The following TMPRSS5 variants were observed in gnomAD, a reference collection of about 807,000 sequenced individuals.
The protein encoded by TMPRSS5 is transmembrane protease serine 5.
TMPRSS5 carries 45 observed loss-of-function variants against 59.7 expected under a neutral mutation model. The ratio of observed to expected loss-of-function variants is 0.75; its 90% CI spans 0.59 to 0.97. TMPRSS5 has a LOEUF of 0.97. TMPRSS5 is among the 50% of genes least tolerant of loss of function. The pLI is 0.00. For missense variants in TMPRSS5, 585 were observed against 596.7 expected (o/e 0.98, Z 0.20); for synonymous variants, 225 against 232.0 (o/e 0.97, Z 0.27).
intron 4 of TMPRSS5, among the ~76,000 whole-genome samples, chr11:113,698,227 T>C (rs1369964268): frequency 6.7e-6 from 1 of 149,934 alleles, no homozygotes; most frequent in Non-Finnish European, 1.5e-5. Context: ...AACCACCCGG[T>C]CTGTGGTACT....
chr11:113,694,189 G>A (rs1385161916), intron 8 of TMPRSS5, among the ~76,000 whole-genome samples: 5 of 147,754 alleles, frequency 3.4e-5, no homozygotes, highest in African/African-American at 1.2e-4. Flanking sequence ...AGGTTGCAGT[G>A]AGCCAAGATT....
intron 11 of TMPRSS5, 35 bp downstream of exon 11, chr11:113,690,196 A>AACCCC: frequency 3.9e-6 from 1 of 253,940 alleles, no homozygotes; most frequent in Non-Finnish European, 6.0e-6. Context: ...CCCCACCTCC[A>AACCCC]CTCCCACCCT....
intron 1 of TMPRSS5, among the ~76,000 whole-genome samples, chr11:113,703,657 C>A (rs1326291622): frequency 6.6e-6 from 1 of 152,170 alleles, no homozygotes; most frequent in African/African-American, 2.4e-5. Flanking sequence ...GGGGGAGGGA[C>A]CTCATAGTAG....
intron 1 of TMPRSS5, among the ~76,000 whole-genome samples, chr11:113,701,888 A>G (rs1953148042): frequency 6.6e-6 from 1 of 152,096 alleles, no homozygotes; most frequent in Non-Finnish European, 1.5e-5. Flanking sequence ...TGCACCCATC[A>G]ACCCGTCATC....
intron 11 of TMPRSS5, 25 bp from the exon 12 acceptor site, chr11:113,689,942 C>A (rs2134781129): frequency 1.3e-6 from 2 of 1,519,382 alleles, no homozygotes; most frequent in East Asian, 2.5e-5. Context: ...CATGGAGACA[C>A]AGAGAAACAG....
intron 3 of TMPRSS5, among the ~76,000 whole-genome samples, chr11:113,699,253 C>G (rs1565263560): frequency 2.3e-5 from 2 of 85,122 alleles, no homozygotes; most frequent in African/African-American, 6.7e-5. Context: ...CTCTCTCTCT[C>G]TCTCTCTCTC....
At chr11:113,699,264 T>C (rs113939329) in intron 3 of TMPRSS5, among the ~76,000 whole-genome samples, 3,487 of 95,358 alleles carry the variant, frequency 0.037, 372 homozygotes, top group Non-Finnish European at 0.044. Context: ...TCTCTCTCTC[T>C]CTCTCTCCCT....
chr11:113,699,272 C>CTCCCCCCTCTCTCTCCCT lies in TMPRSS5; in HGVS notation c.206-246_206-245insAGGGAGAGAGAGGGGGGA, dbSNP rs1953044616. ...CTCTCTCTCTCTCTCTCTCTCTCTC[C>CTCCCCCCTCTCTCTCCCT]CTCTCTCTCTCTCTCTCTCTGTCTC... On this transcript the variant is annotated intron_variant, in intron 3 of 12. Transcript: ENST00000299882. Among the ~76,000 whole-genome samples, 15 of 24,066 alleles carry CTCCCCCCTCTCTCTCCCT rather than the reference C, an allele frequency of 6.2e-4. 1 individual carries two copies. The highest frequency in any genetic ancestry group is 1.6e-3 in the South Asian group (1 of 610). 15.8% of individuals were successfully genotyped at this position (24,066 alleles called of 152,430 possible). A position where few individuals can be genotyped will look rare whatever the true frequency, so the allele number is the denominator to read the frequency against.
At position 113,699,003 on chromosome 11, in the gene TMPRSS5, G is replaced by A; in HGVS notation, c.230C>T (p.Ser77Phe). The change falls in exon 4 of 13, where the codon TCT becomes TTT. Residue 77 changes from serine (S) to phenylalanine (F), a missense_variant. By Grantham distance (155) the Ser-to-Phe change is radical (BLOSUM62 -2). Transcript: ENST00000299882. ...LLVLYLCPAASQPISGTLQDE... is the reference protein window; with the variant it reads ...LLVLYLCPAAFQPISGTLQDE... Reference sequence around the variant, plus strand: ...CTGCAAGGTCCCGGAAATGGGCTGAGAGGCAGCAGGACACAGATACAGCAC... The same window carrying A: ...CTGCAAGGTCCCGGAAATGGGCTGAAAGGCAGCAGGACACAGATACAGCAC... 1.2e-6 allele frequency: 2 copies of A among 1,611,464 alleles called. No individual in the cohort carries two copies. Among genetic ancestry groups the A allele is most frequent in the Middle Eastern group, 1.7e-4 (1 of 6,054 alleles).
chr11:113,688,302 C>G lies in TMPRSS5; in HGVS notation c.1360-28G>C, dbSNP rs961430170. Reference sequence around the variant, plus strand: ...AGACCAAAAGGGAAAGGAACTGATTCACAGCATGGCTCTACACTAGCCAAG... The same window carrying G: ...AGACCAAAAGGGAAAGGAACTGATTGACAGCATGGCTCTACACTAGCCAAG... On this transcript the variant is annotated intron_variant, in intron 12 of 12. Transcript: ENST00000299882. 9 of 1,501,978 alleles carry G rather than the reference C, an allele frequency of 6.0e-6. No homozygotes were observed. The African/African-American group carries it at 1.2e-4, about 21-fold the overall frequency. 93.0% of individuals were successfully genotyped at this position (1,501,978 alleles called of 1,614,324 possible). A position where few individuals can be genotyped will look rare whatever the true frequency, so the allele number is the denominator to read the frequency against.
chr11:113,701,862 T>TATACATAGGTATACATA (rs1184697695), intron 1 of TMPRSS5, among the ~76,000 whole-genome samples: 1 of 152,162 alleles, frequency 6.6e-6, no homozygotes, highest in African/African-American at 2.4e-5. Context: ...GGTATACATG[T>TATACATAGGTATACATA]GCCGTGGTGG....
At chr11:113,702,867 G>C (rs1953182337) in intron 1 of TMPRSS5, among the ~76,000 whole-genome samples, 1 of 152,250 alleles carries the variant, frequency 6.6e-6, no homozygotes, top group Non-Finnish European at 1.5e-5. Context: ...ACTGAGGTTT[G>C]AAAACCTCCA....
chr11:113,687,945 C>G lies in TMPRSS5; in HGVS notation c.*315G>C, dbSNP rs986004560. 8.0e-5 allele frequency: 26 copies of G among 323,398 alleles called. No homozygotes were observed. The East Asian group carries it at 1.1e-3, about 14-fold the overall frequency. 20.0% of individuals were successfully genotyped at this position (323,398 alleles called of 1,614,324 possible). ...GCAGGCTTCCTGCTGCTTCTAGCAG[C>G]CTCTTCATCTCCAGCTCCTACCTCT... On this transcript the variant is annotated 3_prime_UTR_variant, in exon 13 of 13. Coordinates refer to ENST00000299882, the MANE Select transcript of TMPRSS5 (RefSeq NM_030770.4).
intron 1 of TMPRSS5, among the ~76,000 whole-genome samples, chr11:113,702,257 C>T (rs1307589514): frequency 7.2e-5 from 11 of 152,290 alleles, no homozygotes; most frequent in Admixed American, 7.2e-4. Context: ...CATATGTGTG[C>T]ATGTGTCTTT....
chr11:113,693,310 G>A (rs1228262150), intron 8 of TMPRSS5, 61 bp from the exon 9 acceptor site: 1 of 1,436,994 alleles, frequency 7.0e-7, no homozygotes, highest in Admixed American at 2.8e-5. Context: ...TCCTAAGCAA[G>A]GTAGCAGGTG....
chr11:113,699,288 T>C (rs1209392908), intron 3 of TMPRSS5, among the ~76,000 whole-genome samples: 6 of 140,428 alleles, frequency 4.3e-5, no homozygotes, highest in Non-Finnish European at 6.1e-5. Context: ...TCTCTCTCTC[T>C]CTCTGTCTCT....
chr11:113,698,694 G>A, intron 4 of TMPRSS5: 1 of 577,560 alleles, frequency 1.7e-6, no homozygotes, highest in Non-Finnish European at 3.0e-6. Context: ...CCTTGCCCCA[G>A]CTAGAGATCA....
intron 9 of TMPRSS5, among the ~76,000 whole-genome samples, chr11:113,691,479 C>A (rs1489742762): frequency 6.6e-6 from 1 of 152,168 alleles, no homozygotes; most frequent in Non-Finnish European, 1.5e-5. Flanking sequence ...GTCCTCCCAC[C>A]AAACAGGAGA....
chr11:113,699,217 C>T (rs905695144), intron 3 of TMPRSS5, among the ~76,000 whole-genome samples, 190 bp from the exon 4 acceptor site: 1 of 19,210 alleles, frequency 5.2e-5, no homozygotes, highest in Non-Finnish European at 9.7e-5. Flanking sequence ...GTCTGTCTCT[C>T]TCTCTCTCTC....
Sources: gnomAD v4.1 joint callset for allele counts (sites outside exome capture counted in the v4.1 genomes callset) on GRCh38, gnomAD v4.1.1 for gene constraint, MANE v1.5 for transcripts, NCBI Gene and HGNC (gene_info 2026-07-23, HGNC 2026-07-21) for gene names.